The following IPCEF1 variants were observed in gnomAD, a reference collection of about 807,000 sequenced individuals.
The protein encoded by IPCEF1 is interactor protein for cytohesin exchange factors 1.
A neutral mutation model predicts 50.9 loss-of-function variants in IPCEF1; 31 were observed. The observed-to-expected ratio is 0.61, with a 90% CI of 0.46 to 0.82. The LOEUF is 0.82. Among genes scored for constraint, IPCEF1 ranks in the 40% least tolerant of loss-of-function variants. The probability of loss-of-function intolerance (pLI) is 0.00; values close to 1 mark genes in which losing one functional copy is unlikely to be tolerated. For synonymous variants in IPCEF1, 181 were observed against 192.0 expected, an observed-to-expected ratio of 0.94 and a Z score of 0.47; for missense variants, 458 against 514.0, an observed-to-expected ratio of 0.89 and a Z score of 1.05.
intron 1 of IPCEF1, among the ~76,000 whole-genome samples, chr6:154,294,921 G>A (rs977259343): frequency 4.6e-5 from 7 of 152,052 alleles, no homozygotes; most frequent in African/African-American, 7.2e-5. Context: ...GTACTTGGCC[G>A]GGCGTGGTAA....
At chr6:154,246,935 C>CAAAAAAAAAA (rs10543127) in intron 4 of IPCEF1, 175 bp from the exon 5 acceptor site, 1 of 238,152 alleles carries the variant, frequency 4.2e-6, no homozygotes. Context: ...AAAACCAATG[C>CAAAAAAAAAA]AAAAAAAAAA....
At chr6:154,312,410 G>A (rs1001067460) in intron 1 of IPCEF1, among the ~76,000 whole-genome samples, 6 of 151,894 alleles carry the variant, frequency 4.0e-5, no homozygotes, top group Non-Finnish European at 7.4e-5. Flanking sequence ...GCAGTGTCAC[G>A]ATCTCGGCTC....
At chr6:154,244,191 G>A (rs1203053126) in intron 5 of IPCEF1, among the ~76,000 whole-genome samples, 1 of 152,152 alleles carries the variant, frequency 6.6e-6, no homozygotes, top group Non-Finnish European at 1.5e-5. Context: ...TTATTTCACA[G>A]TTGGTGTCCG....
chr6:154,229,656 G>A (rs60449578), intron 5 of IPCEF1, among the ~76,000 whole-genome samples: 12,919 of 152,000 alleles, frequency 0.085, 988 homozygotes, highest in East Asian at 0.43. Context: ...GTGCCCAGCA[G>A]TTTGTCAGTT....
intron 7 of IPCEF1, chr6:154,216,842 T>A (rs1253519910): frequency 6.6e-6 from 1 of 152,504 alleles, no homozygotes; most frequent in Non-Finnish European, 1.5e-5. Context: ...CACTCCAGCC[T>A]GGGCGACAGA....
At position 154,159,660 on chromosome 6, in the gene IPCEF1, C is replaced by A. The variant is rs898209990; in HGVS notation, c.*168G>T. The A allele has an allele frequency of 4.8e-6, 3 of 628,234 alleles. No homozygotes were observed. Among genetic ancestry groups the A allele is most frequent in the Admixed American group, 3.1e-5 (1 of 32,268 alleles). 38.9% of individuals were successfully genotyped at this position (628,234 alleles called of 1,614,324 possible). A position where few individuals can be genotyped will look rare whatever the true frequency, so the allele number is the denominator to read the frequency against. ...GATGCGTTACGACTGAAATGAGGAGCCCTGGTGTATTCGGTGATTATCTTC... is the reference window on the plus strand; with the variant it reads ...GATGCGTTACGACTGAAATGAGGAGACCTGGTGTATTCGGTGATTATCTTC... On this transcript the variant is annotated 3_prime_UTR_variant, in exon 12 of 12. Transcript: ENST00000367220.
At chr6:154,288,410 T>A (rs1249339336) in intron 2 of IPCEF1, among the ~76,000 whole-genome samples, 1 of 152,190 alleles carries the variant, frequency 6.6e-6, no homozygotes, top group Non-Finnish European at 1.5e-5. Flanking sequence ...ACGCCTGTAA[T>A]CCCAGCACTT....
At chr6:154,355,819 T>C (rs1450161287) in intron 1 of IPCEF1, among the ~76,000 whole-genome samples, 3 of 151,632 alleles carry the variant, frequency 2.0e-5, no homozygotes, top group African/African-American at 7.3e-5. Flanking sequence ...TCTTTCTTTT[T>C]TTTTTTCTTC....
At chr6:154,332,038 C>T (rs1562292835) in intron 1 of IPCEF1, among the ~76,000 whole-genome samples, 1 of 152,156 alleles carries the variant, frequency 6.6e-6, no homozygotes, top group Non-Finnish European at 1.5e-5. Context: ...CAGTCTCTCA[C>T]TCTCACTCTC....
chr6:154,323,244 C>G (rs1783436458), intron 1 of IPCEF1, among the ~76,000 whole-genome samples: 1 of 152,188 alleles, frequency 6.6e-6, no homozygotes, highest in South Asian at 2.1e-4. Flanking sequence ...GCTGTCCCCT[C>G]CATTCTTGCC....
At chr6:154,212,643 C>T (rs1022199356) in intron 9 of IPCEF1, 127 bp downstream of exon 9, 11 of 639,906 alleles carry the variant, frequency 1.7e-5, no homozygotes, top group African/African-American at 7.3e-5. Flanking sequence ...TGCACTTGCT[C>T]GTTGGCAGGT....
At chr6:154,199,074 A>G (rs1776866322) in intron 10 of IPCEF1, among the ~76,000 whole-genome samples, 1 of 152,218 alleles carries the variant, frequency 6.6e-6, no homozygotes. Context: ...TCCACACACA[A>G]TTAATTCTTT....
intron 6 of IPCEF1, among the ~76,000 whole-genome samples, chr6:154,222,090 G>A (rs910350604): frequency 5.3e-5 from 8 of 152,150 alleles, no homozygotes; most frequent in African/African-American, 1.7e-4. Context: ...GGTATGGAAC[G>A]TCCACTCTGC....
At chr6:154,180,374 TAACAAC>T (rs1583721727) in intron 10 of IPCEF1, among the ~76,000 whole-genome samples, 1 of 145,166 alleles carries the variant, frequency 6.9e-6, no homozygotes, top group Admixed American at 7.0e-5. Flanking sequence ...TGAGCTAGTT[TAACAAC>T]AACAACTATA....
At chr6:154,251,116 A>C (rs1332560682) in intron 3 of IPCEF1, among the ~76,000 whole-genome samples, 1 of 152,240 alleles carries the variant, frequency 6.6e-6, no homozygotes, top group Non-Finnish European at 1.5e-5. Context: ...ACCTGTGAAA[A>C]CATGAAAAGC....
chr6:154,257,469 CCTAA>C lies in IPCEF1; in HGVS notation c.36+8439_36+8442del, dbSNP rs572261420. 3.4e-3 allele frequency among the ~76,000 whole-genome samples: 521 copies of C among 152,250 alleles called. 5 individuals carry two copies. Among genetic ancestry groups the C allele is most frequent in the African/African-American group, 0.012 (497 of 41,536 alleles). ...CAGAGATGCTTACCATGTTTCTGAGCCTAACTATCATTTTTGGCTTTTTATGTTT... is the reference window on the plus strand; with the variant it reads ...CAGAGATGCTTACCATGTTTCTGAGCCTATCATTTTTGGCTTTTTATGTTT... On this transcript the variant is annotated intron_variant, in intron 3 of 11. Transcript: ENST00000367220.
chr6:154,215,351 C>T (rs1408605336), intron 7 of IPCEF1, among the ~76,000 whole-genome samples: 2 of 152,124 alleles, frequency 1.3e-5, no homozygotes, highest in Non-Finnish European at 2.9e-5. Context: ...GTTCATGCCT[C>T]CCAGCACTTC....
At chr6:154,185,779 G>GA (rs1445675306) in intron 10 of IPCEF1, among the ~76,000 whole-genome samples, 12 of 152,126 alleles carry the variant, frequency 7.9e-5, no homozygotes, top group East Asian at 3.9e-4. Flanking sequence ...AAGCTAAAAA[G>GA]AAAAAAATCA....
intron 1 of IPCEF1, among the ~76,000 whole-genome samples, chr6:154,324,576 G>A (rs1783472424): frequency 6.6e-6 from 1 of 152,162 alleles, no homozygotes; most frequent in Admixed American, 6.6e-5. Flanking sequence ...GGGAGGCCAA[G>A]GCGGGCAGAT....
Sources: allele counts gnomAD v4.1 joint callset (sites outside exome capture counted in the v4.1 genomes callset), GRCh38; gene constraint gnomAD v4.1.1; transcripts MANE v1.5; gene names NCBI Gene and HGNC (gene_info 2026-07-23, HGNC 2026-07-21).